The following SLC6A6 variants were observed in gnomAD, a reference collection of about 807,000 sequenced individuals.
SLC6A6 encodes solute carrier family 6 member 6, also known as sodium- and chloride-dependent taurine transporter.
In SLC6A6, 16 loss-of-function variants were observed where a neutral mutation model predicts 68.8. The ratio of observed to expected loss-of-function variants is 0.23; its 90% CI spans 0.16 to 0.35. The LOEUF (loss-of-function observed/expected upper bound fraction) is 0.35. Ranked by LOEUF, SLC6A6 falls within the 10% of genes least tolerant of loss-of-function variation. SLC6A6 has a pLI of 1.00. For synonymous variants in SLC6A6, 312 were observed against 315.4 expected (o/e 0.99, Z 0.12); for missense variants, 474 against 802.8 (o/e 0.59, Z 4.95).
chr3:14,435,544 T>A (rs1377808858), intron 2 of SLC6A6, among the ~76,000 whole-genome samples: 2 of 152,228 alleles, frequency 1.3e-5, no homozygotes, highest in Non-Finnish European at 2.9e-5. Context: ...TTGTTTCGGC[T>A]TTGTTCCGGG....
At chr3:14,462,255 C>T (rs1163241204) in intron 6 of SLC6A6, among the ~76,000 whole-genome samples, 1 of 152,224 alleles carries the variant, frequency 6.6e-6, no homozygotes, top group African/African-American at 2.4e-5. Context: ...AAACCTGCTA[C>T]TGTAAACCAA....
At position 14,481,629 on chromosome 3, in the gene SLC6A6, A is replaced by G; in HGVS notation, c.1552-42A>G. 6.4e-6 allele frequency: 6 copies of G among 932,018 alleles called. No homozygotes were observed. Among genetic ancestry groups the G allele is most frequent in the South Asian group, 1.5e-5 (1 of 68,380 alleles). The allele number at this position is 932,018 out of a possible 1,614,324, so 57.7% of individuals were successfully genotyped here. A position where few individuals can be genotyped will look rare whatever the true frequency, so the allele number is the denominator to read the frequency against. On this transcript the variant is annotated intron_variant, in intron 13 of 14. Coordinates refer to ENST00000622186, the MANE Select transcript of SLC6A6 (RefSeq NM_003043.6). This position sits in a 1 kb window ranked among gnomAD's most constrained non-coding sequence, Gnocchi z 4.7. ...AGTCCCAGAAGCCCCCCACCCCCCGATGCCCAGGACCCCTCTCCTGACTGC... is the reference window on the plus strand; with the variant it reads ...AGTCCCAGAAGCCCCCCACCCCCCGGTGCCCAGGACCCCTCTCCTGACTGC...
At chr3:14,479,283 G>A (rs766360358) in intron 13 of SLC6A6, 98 bp downstream of exon 13, 97 of 818,566 alleles carry the variant, frequency 1.2e-4, no homozygotes, top group Middle Eastern at 2.2e-4. Context: ...TCTGTTCAGC[G>A]TGGGCTTATA....
intron 1 of SLC6A6, among the ~76,000 whole-genome samples, chr3:14,409,639 C>T (rs900107935): frequency 4.6e-5 from 7 of 152,166 alleles, no homozygotes; most frequent in African/African-American, 1.7e-4. Flanking sequence ...AGCACCTGTG[C>T]TCAAGGAGGG....
intron 4 of SLC6A6, 50 bp from the exon 5 acceptor site, chr3:14,447,531 TG>T: frequency 1.2e-6 from 2 of 1,603,098 alleles, no homozygotes; most frequent in Non-Finnish European, 8.5e-7. Flanking sequence ...GTGGCCGTGG[TG>T]GGTCTGGCCT....
intron 2 of SLC6A6, among the ~76,000 whole-genome samples, chr3:14,437,872 G>T (rs1452624497): frequency 6.6e-6 from 1 of 151,546 alleles, no homozygotes; most frequent in Non-Finnish European, 1.5e-5. Flanking sequence ...CTGTCGCCCA[G>T]GCTAGACTGC....
chr3:14,413,613 C>G (rs1039071522), intron 1 of SLC6A6, among the ~76,000 whole-genome samples: 15 of 152,078 alleles, frequency 9.9e-5, no homozygotes, highest in African/African-American at 3.6e-4. Flanking sequence ...CAGGGCTCCG[C>G]ATTCTGGGTT....
chr3:14,472,386 T>G lies in SLC6A6; in HGVS notation c.1209+69T>G. On this transcript the variant is annotated intron_variant, in intron 10 of 14. Transcript: ENST00000622186. This position sits in a 1 kb window ranked among gnomAD's most constrained non-coding sequence, Gnocchi z 4.5. The stretch of plus-strand genomic sequence containing the variant: ...ACCTGACTCTGGGAAAGACTCCTTA[T>G]TCCACCTGGGAGGTGGTCAACCCCC... 3.2e-6 allele frequency: 3 copies of G among 949,202 alleles called. No homozygotes were observed. Among genetic ancestry groups the G allele is most frequent in the Non-Finnish European group, 5.1e-6 (3 of 583,076 alleles). The allele number at this position is 949,202 out of a possible 1,614,324, so 58.8% of individuals were successfully genotyped here.
At chr3:14,459,203 T>G (rs1048647246) in intron 6 of SLC6A6, among the ~76,000 whole-genome samples, 2 of 152,128 alleles carry the variant, frequency 1.3e-5, no homozygotes, top group Non-Finnish European at 2.9e-5. Context: ...GAACGTCTCT[T>G]TAAGATCAAA....
At chr3:14,462,654 G>A (rs1483619283) in intron 6 of SLC6A6, among the ~76,000 whole-genome samples, 1 of 152,066 alleles carries the variant, frequency 6.6e-6, no homozygotes, top group Non-Finnish European at 1.5e-5. Context: ...AGCTTTGATT[G>A]CGCCATTGCA....
rs1159265110 is a variant in SLC6A6, at chr3:14,450,436, C to T, written c.599+2620C>T. Among the ~76,000 whole-genome samples, 1 of 152,148 alleles carries T rather than the reference C, an allele frequency of 6.6e-6. No individual in the cohort carries two copies. Among genetic ancestry groups the T allele is most frequent in the African/African-American group, 2.4e-5 (1 of 41,408 alleles). On this transcript the variant is annotated intron_variant, in intron 5 of 14. Coordinates refer to ENST00000622186, the MANE Select transcript of SLC6A6 (RefSeq NM_003043.6). The surrounding 1 kb of genome is among the most constrained non-coding windows in gnomAD (Gnocchi z 4.1). ...CATCTTCCCAAGCTTCTGCATGATCCAGATGGATTTGCTCTGTCCAAAGAA... is the reference window on the plus strand; with the variant it reads ...CATCTTCCCAAGCTTCTGCATGATCTAGATGGATTTGCTCTGTCCAAAGAA...
rs148513639 is a variant in SLC6A6, at chr3:14,434,401, C to G, written c.-11-9223C>G. ...TTGTTTTCTGTGTGCTGGGCACTGT[C>G]ATAAATAATTGCTCATTTATGTGTT... is the stretch of plus-strand genomic sequence containing the variant. On this transcript the variant is annotated intron_variant, in intron 2 of 14. Transcript: ENST00000622186. Among the ~76,000 whole-genome samples the G allele has an allele frequency of 8.7e-3, 1,325 of 152,268 alleles. 16 individuals are homozygous for G. Among genetic ancestry groups the G allele is most frequent in the African/African-American group, 0.03 (1,230 of 41,548 alleles).
Position 14,485,155 on chromosome 3 carries a change from C to CGTGA in SLC6A6, c.*151_*152insAGTG. The CGTGA allele has an allele frequency of 1.8e-6, 1 of 557,454 alleles. No individual in the cohort carries two copies. 34.5% of individuals were successfully genotyped at this position (557,454 alleles called of 1,614,324 possible). On this transcript the variant is annotated 3_prime_UTR_variant, in exon 15 of 15. Transcript: ENST00000622186. The stretch of plus-strand genomic sequence containing the variant: ...GAAAATGTAATTGTGGGTATGTGTG[C>CGTGA]GTGCGTGTGTGTGTGTGTGTGTATC...
In SLC6A6 at chr3:14,477,079, A is replaced by G. The variant is rs1700895415; in HGVS notation, c.1210-126A>G. On this transcript the variant is annotated intron_variant, in intron 10 of 14. Coordinates refer to ENST00000622186, the MANE Select transcript of SLC6A6 (RefSeq NM_003043.6). This position sits in a 1 kb window ranked among gnomAD's most constrained non-coding sequence, Gnocchi z 4.2. ...CACTTGGACTTGATCTCACAGGCCAATTCTGGACACAAGGATGGTCACGTC... is the reference window on the plus strand; with the variant it reads ...CACTTGGACTTGATCTCACAGGCCAGTTCTGGACACAAGGATGGTCACGTC... 5 of 899,170 alleles carry G rather than the reference A, an allele frequency of 5.6e-6. No homozygotes were observed. Among genetic ancestry groups the G allele is most frequent in the Non-Finnish European group, 8.7e-6 (5 of 575,096 alleles). The allele number at this position is 899,170 out of a possible 1,614,324, so 55.7% of individuals were successfully genotyped here.
chr3:14,454,936 G>A (rs1700336360), intron 5 of SLC6A6, among the ~76,000 whole-genome samples: 1 of 152,126 alleles, frequency 6.6e-6, no homozygotes, highest in Non-Finnish European at 1.5e-5. Flanking sequence ...CTCCAGGACC[G>A]AGCTCCTTAG....
At chr3:14,437,291 T>C (rs1376182895) in intron 2 of SLC6A6, among the ~76,000 whole-genome samples, 1 of 152,084 alleles carries the variant, frequency 6.6e-6, no homozygotes, top group Non-Finnish European at 1.5e-5. Flanking sequence ...AGGGTCTCGC[T>C]CTGTCACCCA....
In SLC6A6 at chr3:14,409,521, C is replaced by T. The variant is rs150120110; in HGVS notation, c.-54+6674C>T. Among the ~76,000 whole-genome samples, 192 of 152,364 alleles carry T rather than the reference C, an allele frequency of 1.3e-3. 1 individual carries two copies. Among genetic ancestry groups the T allele is most frequent in the Non-Finnish European group, 1.7e-3 (117 of 68,034 alleles). ...AAGGAGCGCTGGACCCAGAGTCCACCGGATGCCTCAGCCCATCCTCGTCCC... is the reference window on the plus strand; with the variant it reads ...AAGGAGCGCTGGACCCAGAGTCCACTGGATGCCTCAGCCCATCCTCGTCCC... On this transcript the variant is annotated intron_variant, in intron 1 of 14. Transcript: ENST00000622186.
rs570063750 is a variant in SLC6A6 at position 14,453,827 on chromosome 3, C to T, written c.600-4123C>T. On this transcript the variant is annotated intron_variant, in intron 5 of 14. Coordinates refer to ENST00000622186, the MANE Select transcript of SLC6A6 (RefSeq NM_003043.6). The stretch of plus-strand genomic sequence containing the variant: ...TGAGCAGAGACCTGAAGGAAAGGAG[C>T]GAGGGAGTTTTGGAACAAGTGGCTG... 3.9e-5 allele frequency among the ~76,000 whole-genome samples: 6 copies of T among 152,216 alleles called. No homozygotes were observed. In the South Asian group the frequency reaches 8.3e-4, roughly 21 times the overall value.
chr3:14,424,573 G>C (rs918991296), intron 2 of SLC6A6, among the ~76,000 whole-genome samples: 1 of 152,090 alleles, frequency 6.6e-6, no homozygotes, highest in African/African-American at 2.4e-5. Context: ...GGTGGGGTTG[G>C]GTCTGGCTCA....
Sources: allele counts gnomAD v4.1 joint callset (sites outside exome capture counted in the v4.1 genomes callset), GRCh38; gene constraint gnomAD v4.1.1; non-coding constraint Gnocchi (gnomAD v3.1); transcripts MANE v1.5; gene names NCBI Gene and HGNC (gene_info 2026-07-23, HGNC 2026-07-21).